The following SLC46A3 variants were observed in gnomAD, a reference collection of about 807,000 sequenced individuals.
The protein encoded by SLC46A3 is solute carrier family 46 member 3, also known as lysosomal proton-coupled steroid conjugate and bile acid symporter SLC46A3.
Under a neutral mutation model 38.5 loss-of-function variants are expected in SLC46A3, and 26 were observed. The ratio of observed to expected loss-of-function variants is 0.68; its 90% CI spans 0.49 to 0.94. SLC46A3 has a LOEUF of 0.94. Among genes scored for constraint, SLC46A3 ranks in the 40% least tolerant of loss-of-function variants. The probability of loss-of-function intolerance (pLI) is 0.00; values close to 1 mark genes in which losing one functional copy is unlikely to be tolerated. For synonymous variants in SLC46A3, 185 were observed against 192.5 expected (o/e 0.96, Z 0.32); for missense variants, 510 against 544.3 (o/e 0.94, Z 0.63).
In SLC46A3 at chr13:28,718,765, C is replaced by T. The variant is rs1320776756; in HGVS notation, c.-294G>A. 5 of 152,298 alleles carry T rather than the reference C, an allele frequency of 3.3e-5. No individual in the cohort carries two copies. The East Asian group carries it at 9.6e-4, about 29-fold the overall frequency. The allele number at this position is 152,298 out of a possible 1,614,324, so 9.4% of individuals were successfully genotyped here. The stretch of plus-strand genomic sequence containing the variant: ...ACCTCGGCAAGCGCACTTCCGCGTC[C>T]CGAGTGACACCTGCAGGGTTCTCCG... On this transcript the variant is annotated 5_prime_UTR_variant, in exon 1 of 6. Transcript: ENST00000266943.
At chr13:28,702,596 T>C (rs180712131) in intron 5 of SLC46A3, among the ~76,000 whole-genome samples, 4 of 152,322 alleles carry the variant, frequency 2.6e-5, no homozygotes, top group Admixed American at 2.6e-4. Context: ...CAGCACAGCA[T>C]GTATTGGTAA....
chr13:28,709,322 CAAAA>C (rs11321003), intron 4 of SLC46A3, among the ~76,000 whole-genome samples: 3 of 130,250 alleles, frequency 2.3e-5, no homozygotes, highest in Admixed American at 7.6e-5. Flanking sequence ...AACTCCGTCT[CAAAA>C]AAAAAAAAAA....
rs1885004086 is a variant in SLC46A3, at chr13:28,701,149, C to T, written c.*348G>A. ...TTTCTCTTTGGTCTCAGTGTAAGAG[C>T]CTGGAATATGTCAGAGAGATTATTG... On this transcript the variant is annotated 3_prime_UTR_variant, in exon 6 of 6. Coordinates refer to ENST00000266943, the MANE Select transcript of SLC46A3 (RefSeq NM_181785.4). 2 of 1,426,278 alleles carry T rather than the reference C, an allele frequency of 1.4e-6. No individual in the cohort carries two copies. Among genetic ancestry groups the T allele is most frequent in the Non-Finnish European group, 1.8e-6 (2 of 1,089,830 alleles). 88.4% of individuals were successfully genotyped at this position (1,426,278 alleles called of 1,614,324 possible).
chr13:28,703,777 A>C (rs1885096961), intron 5 of SLC46A3, 166 bp downstream of exon 5: 1 of 466,414 alleles, frequency 2.1e-6, no homozygotes, highest in African/African-American at 2.0e-5. Context: ...GTGTCATTCC[A>C]ATTTTGTATA....
At position 28,713,824 on chromosome 13, in the gene SLC46A3, C is replaced by T. The variant is rs1885443630; in HGVS notation, c.190-274G>A. ...TATTTGCATGTATATAATGAGATAC[C>T]TTGTGGATGGGACTCACATTTAAAC... On this transcript the variant is annotated intron_variant, in intron 2 of 5. Transcript: ENST00000266943. Among the ~76,000 whole-genome samples, 2 of 152,228 alleles carry T rather than the reference C, an allele frequency of 1.3e-5. 1 individual carries two copies. The highest frequency in any genetic ancestry group is 6.8e-3 in the Middle Eastern group (2 of 294).
chr13:28,712,487 C>T (rs1271924645), intron 3 of SLC46A3, among the ~76,000 whole-genome samples, 193 bp downstream of exon 3: 6 of 152,086 alleles, frequency 3.9e-5, no homozygotes, highest in Admixed American at 3.9e-4. Context: ...TGTGGTTATT[C>T]AGTGGATTAA....
At chr13:28,704,373 TA>T in intron 4 of SLC46A3, 1 of 342,994 alleles carries the variant, frequency 2.9e-6, no homozygotes, top group Non-Finnish European at 5.4e-6. Flanking sequence ...AGGGCAAAGC[TA>T]AAAAGACAGT....
At chr13:28,714,155 A>AT (rs1269609251) in intron 2 of SLC46A3, among the ~76,000 whole-genome samples, 9 of 33,548 alleles carry the variant, frequency 2.7e-4, no homozygotes, top group Admixed American at 4.6e-4. Context: ...AAAAAAAAAA[A>AT]AAAACCTTTA....
At chr13:28,717,484 A>AATTTTTTTTTTTTTTTTGTTTTTTT (rs1322198755) in intron 2 of SLC46A3, among the ~76,000 whole-genome samples, 1 of 94,174 alleles carries the variant, frequency 1.1e-5, no homozygotes, top group Non-Finnish European at 2.1e-5. Flanking sequence ...CAATTTTCAG[A>AATTTTTTTTTTTTTTTTGTTTTTTT]CTTTTTTTTT....
At chr13:28,709,368 A>G (rs1207546122) in intron 4 of SLC46A3, among the ~76,000 whole-genome samples, 2 of 152,124 alleles carry the variant, frequency 1.3e-5, no homozygotes, top group Admixed American at 6.6e-5. Context: ...ATATATTTTT[A>G]ATTTATTGAA....
chr13:28,706,466 T>C (rs532615543), intron 4 of SLC46A3, among the ~76,000 whole-genome samples: 1 of 152,336 alleles, frequency 6.6e-6, no homozygotes, highest in South Asian at 2.1e-4. Context: ...GTAAGTATCC[T>C]AGAATAATGA....
At chr13:28,709,753 A>T (rs1331922246) in intron 4 of SLC46A3, among the ~76,000 whole-genome samples, 1 of 152,148 alleles carries the variant, frequency 6.6e-6, no homozygotes, top group African/African-American at 2.4e-5. Context: ...TAAAAGGATG[A>T]TGGGGGAGAA....
In SLC46A3 at chr13:28,701,256, T is replaced by C; in HGVS notation, c.*241A>G. 7.2e-7 allele frequency: 1 copy of C among 1,394,614 alleles called. No individual in the cohort carries two copies. Among genetic ancestry groups the C allele is most frequent in the East Asian group, 2.6e-5 (1 of 38,354 alleles). The allele number at this position is 1,394,614 out of a possible 1,614,324, so 86.4% of individuals were successfully genotyped here. ...CTCTTCTAAGTCTAAAAGTGAGGCG[T>C]ATTTGAAATTTGTTCTGTGTATTGC... On this transcript the variant is annotated 3_prime_UTR_variant, in exon 6 of 6. Coordinates refer to ENST00000266943, the MANE Select transcript of SLC46A3 (RefSeq NM_181785.4).
rs10677564 is a variant in SLC46A3 at position 28,716,991 on chromosome 13, GA to G, written c.189+818del. Among the ~76,000 whole-genome samples, 114 of 146,890 alleles carry G rather than the reference GA, an allele frequency of 7.8e-4. 1 individual carries two copies. The East Asian group carries it at 9.4e-3, about 12-fold the overall frequency. On this transcript the variant is annotated intron_variant, in intron 2 of 5. Transcript: ENST00000266943. ...GTGATTTGTTTTTGAGGCATTGTAG[GA>G]AAAAAAAAAAAATTTCCAAACCTGG... is the stretch of plus-strand genomic sequence containing the variant.
chr13:28,701,498 C>CCT lies in SLC46A3; in HGVS notation c.1384_1385insAG (p.Ter462=). The change falls in exon 6 of 6, where the codon TGA becomes TAGGA. Residue 462 remains the stop codon, a frameshift_variant and stop_retained_variant. Transcript: ENST00000266943. LOFTEE classifies it high-confidence loss of function. ...EESSEDASDR[*] is the part of the protein sequence containing the mutation. ...TTTTTTTGTTTGTTTAAATCACAGT[C>CCT]ACCTGTCTGAAGCATCTTCACTGGA... 1 of 1,611,930 alleles carries CCT rather than the reference C, an allele frequency of 6.2e-7. No individual in the cohort carries two copies. The highest frequency in any genetic ancestry group is 2.2e-5 in the East Asian group (1 of 44,834).
intron 4 of SLC46A3, among the ~76,000 whole-genome samples, chr13:28,704,897 G>C (rs1253154148): frequency 6.6e-6 from 1 of 152,148 alleles, no homozygotes; most frequent in African/African-American, 2.4e-5. Flanking sequence ...GTTGGTCAAG[G>C]GTAGGCCACT....
At chr13:28,715,572 A>C (rs1469349548) in intron 2 of SLC46A3, among the ~76,000 whole-genome samples, 3 of 152,286 alleles carry the variant, frequency 2.0e-5, no homozygotes, top group Non-Finnish European at 4.4e-5. Context: ...ATGAGCCTGT[A>C]AGAAGAAATT....
chr13:28,715,371 G>GC (rs1383968388), intron 2 of SLC46A3, among the ~76,000 whole-genome samples: 1 of 152,260 alleles, frequency 6.6e-6, no homozygotes, highest in African/African-American at 2.4e-5. Flanking sequence ...GCCAACACTT[G>GC]CCCCCTGTAT....
Position 28,712,696 on chromosome 13 carries a change from T to G in SLC46A3, c.1044A>C (p.Thr348=), listed in dbSNP as rs1457767189. The change falls in exon 3 of 6, where the codon ACA becomes ACC. Residue 348 remains threonine, a synonymous_variant. Coordinates refer to ENST00000266943, the MANE Select transcript of SLC46A3 (RefSeq NM_181785.4). The part of the protein sequence containing the change: ...GMAMTAFAST[T]LMMFLARVPF... ...GGAACTCACCTAAAAACATCATCAG[T>G]GTTGTACTGGCAAACGCGGTCATAG... 1.3e-6 allele frequency: 2 copies of G among 1,595,938 alleles called. No homozygotes were observed. The highest frequency in any genetic ancestry group is 1.7e-6 in the Non-Finnish European group (2 of 1,174,920).
Sources: allele counts gnomAD v4.1 joint callset (sites outside exome capture counted in the v4.1 genomes callset), GRCh38; gene constraint gnomAD v4.1.1; transcripts MANE v1.5; gene names NCBI Gene and HGNC (gene_info 2026-07-23, HGNC 2026-07-21).